Variants in NELL1 observed in about 807,000 individuals in gnomAD.
NELL1 encodes protein kinase C-binding protein NELL1.
Under a neutral mutation model 107.4 loss-of-function variants are expected in NELL1, and 76 were observed. The observed-to-expected ratio is 0.71, with a 90% CI of 0.59 to 0.86. The LOEUF (loss-of-function observed/expected upper bound fraction) is 0.86. Ranked by LOEUF, NELL1 falls within the 40% of genes least tolerant of loss-of-function variation. The pLI, the probability that NELL1 is intolerant of heterozygous loss-of-function variation, is 0.00. For synonymous variants in NELL1, 353 were observed against 341.2 expected (o/e 1.03, Z -0.38); for missense variants, 1,024 against 1,005.5 (o/e 1.02, Z -0.25).
chr11:21,122,448 A>T (rs1031313876), intron 13 of NELL1, among the ~76,000 whole-genome samples: 2 of 152,208 alleles, frequency 1.3e-5, no homozygotes, highest in Admixed American at 1.3e-4. Flanking sequence ...TATCGTAAAG[A>T]CATGGTACAT....
chr11:21,331,327 G>A (rs780805300), intron 14 of NELL1, among the ~76,000 whole-genome samples: 29 of 151,726 alleles, frequency 1.9e-4, no homozygotes, highest in Non-Finnish European at 2.9e-4. Context: ...ATAATATAAT[G>A]TAGCAGTGTC....
In NELL1 at chr11:20,886,941, A is replaced by G. The variant is rs57594439; in HGVS notation, c.603+1401A>G. Among the ~76,000 whole-genome samples, 1,265 of 152,328 alleles carry G rather than the reference A, an allele frequency of 8.3e-3. 29 individuals are homozygous for G. Among genetic ancestry groups the G allele is most frequent in the African/African-American group, 0.029 (1,209 of 41,562 alleles). ...AAATCTACACTGTATTATAATCATC[A>G]TTGTAATTGAGATAAAGAACCATTT... On this transcript the variant is annotated intron_variant, in intron 5 of 19. Transcript: ENST00000357134.
Position 20,677,839 on chromosome 11 carries a change from C to T in NELL1, c.56-93C>T, listed in dbSNP as rs79829639. The T allele has an allele frequency of 6.8e-3, 9,843 of 1,456,370 alleles. 591 individuals are homozygous for T. In the African/African-American group the frequency reaches 0.12, roughly 18 times the overall value. The allele number at this position is 1,456,370 out of a possible 1,614,324, so 90.2% of individuals were successfully genotyped here. Reference sequence around the variant, plus strand: ...CTCTCCAAGCACTCATCATTGGCTTCCTTGTATTCCCTGCCACTCCCCGAC... The same window carrying T: ...CTCTCCAAGCACTCATCATTGGCTTTCTTGTATTCCCTGCCACTCCCCGAC... On this transcript the variant is annotated intron_variant, in intron 1 of 19. Transcript: ENST00000357134.
chr11:21,453,620 T>G (rs1259892409), intron 15 of NELL1, among the ~76,000 whole-genome samples: 1 of 152,088 alleles, frequency 6.6e-6, no homozygotes, highest in African/African-American at 2.4e-5. Context: ...GTTAGGCTAT[T>G]TGCATTTAAT....
At chr11:21,013,798 T>C (rs925133637) in intron 12 of NELL1, among the ~76,000 whole-genome samples, 5 of 152,172 alleles carry the variant, frequency 3.3e-5, no homozygotes, top group African/African-American at 1.2e-4. Context: ...TATTGTCCTT[T>C]ATCTGTTCGG....
At chr11:21,338,707 TG>T (rs997390481) in intron 14 of NELL1, among the ~76,000 whole-genome samples, 2 of 151,836 alleles carry the variant, frequency 1.3e-5, no homozygotes, top group Non-Finnish European at 2.9e-5. Flanking sequence ...CCTTTTTTTT[TG>T]TTCAATGTCT....
chr11:20,927,384 T>C lies in NELL1; in HGVS notation c.836T>C (p.Leu279Pro). 1 of 1,613,406 alleles carries C rather than the reference T, an allele frequency of 6.2e-7. No homozygotes were observed. The highest frequency in any genetic ancestry group is 8.5e-7 in the Non-Finnish European group (1 of 1,179,668). Residue 279 changes from leucine to proline, a missense_variant, in exon 8 of 20, where the codon CTC becomes CCC. By Grantham distance (98) the Leu-to-Pro change is moderately conservative. Transcript: ENST00000357134. ...AAGACTTGTCAAGTGAGTGGACTGC[T>C]CTATCGAGATCAAGACTCTTGGGTA... Reference protein sequence around the residue: ...CEKTCQVSGLLYRDQDSWVDG... With the variant: ...CEKTCQVSGLPYRDQDSWVDG...
chr11:20,695,582 G>C lies in NELL1; in HGVS notation c.184+17522G>C, dbSNP rs151144644. 7.4e-4 allele frequency among the ~76,000 whole-genome samples: 113 copies of C among 152,056 alleles called. 1 individual carries two copies. Among genetic ancestry groups the C allele is most frequent in the East Asian group, 5.0e-3 (26 of 5,182 alleles). On this transcript the variant is annotated intron_variant, in intron 2 of 19. Transcript: ENST00000357134. ...TTTCTGTTTTAGTTTTCTTTATGTG[G>C]TGAATGACATTTATTGATTTGTGTA...
intron 3 of NELL1, among the ~76,000 whole-genome samples, chr11:20,811,796 C>T (rs1857506985): frequency 6.6e-6 from 1 of 151,928 alleles, no homozygotes; most frequent in African/African-American, 2.4e-5. Context: ...AGCCTGAGAC[C>T]TTATCAAATT....
At chr11:21,065,954 G>A (rs1853858151) in intron 12 of NELL1, among the ~76,000 whole-genome samples, 2 of 152,102 alleles carry the variant, frequency 1.3e-5, no homozygotes, top group Non-Finnish European at 2.9e-5. Context: ...ACTCACCCAT[G>A]TCTACCCTAC....
At chr11:20,677,201 C>T (rs558592354) in intron 1 of NELL1, among the ~76,000 whole-genome samples, 2 of 152,326 alleles carry the variant, frequency 1.3e-5, no homozygotes, top group East Asian at 1.9e-4. Flanking sequence ...CCTGGCCAGT[C>T]CCTCTGCCAC....
chr11:21,427,993 T>A (rs1271715447), intron 15 of NELL1, among the ~76,000 whole-genome samples: 1 of 152,224 alleles, frequency 6.6e-6, no homozygotes. Flanking sequence ...ACTTGGTTTG[T>A]GCTCTCAAGC....
At chr11:21,261,956 T>TA (rs1848542266) in intron 14 of NELL1, among the ~76,000 whole-genome samples, 1 of 151,902 alleles carries the variant, frequency 6.6e-6, no homozygotes. Context: ...TTCATTTTTT[T>TA]ACACACCTCT....
At chr11:21,245,652 C>T (rs149491174) in intron 14 of NELL1, among the ~76,000 whole-genome samples, 53 of 152,242 alleles carry the variant, frequency 3.5e-4, no homozygotes, top group Non-Finnish European at 6.5e-4. Context: ...GGCAGGCGGA[C>T]AATGTATCCT....
chr11:21,358,930 A>G (rs1851009051), intron 14 of NELL1, among the ~76,000 whole-genome samples: 1 of 152,084 alleles, frequency 6.6e-6, no homozygotes, highest in African/African-American at 2.4e-5. Context: ...AAACAGCAAC[A>G]ATTTGACTTC....
At chr11:21,156,097 C>T (rs1044329260) in intron 13 of NELL1, among the ~76,000 whole-genome samples, 3 of 152,016 alleles carry the variant, frequency 2.0e-5, no homozygotes, top group Admixed American at 2.0e-4. Flanking sequence ...ATGCTACTAG[C>T]CACTTATTAA....
chr11:21,130,975 A>G (rs1415950532), intron 13 of NELL1, among the ~76,000 whole-genome samples: 1 of 152,098 alleles, frequency 6.6e-6, no homozygotes, highest in Non-Finnish European at 1.5e-5. Context: ...AGACGAGATT[A>G]TCTGAGGATA....
intron 12 of NELL1, among the ~76,000 whole-genome samples, chr11:21,069,942 G>A (rs1010200630): frequency 2.6e-5 from 4 of 152,142 alleles, no homozygotes; most frequent in African/African-American, 4.8e-5. Flanking sequence ...CAGTAAGTGC[G>A]CTATAAATCC....
intron 2 of NELL1, among the ~76,000 whole-genome samples, chr11:20,694,605 T>C (rs1854565255): frequency 6.6e-6 from 1 of 152,136 alleles, no homozygotes; most frequent in Admixed American, 6.6e-5. Flanking sequence ...GGATTCTCTA[T>C]TCTGTTCTAT....
Sources: allele counts gnomAD v4.1 joint callset (sites outside exome capture counted in the v4.1 genomes callset), GRCh38; gene constraint gnomAD v4.1.1; transcripts MANE v1.5; gene names NCBI Gene and HGNC (gene_info 2026-07-23, HGNC 2026-07-21).